The following PRORP variants were observed in gnomAD, a reference collection of about 807,000 sequenced individuals.
PRORP encodes protein only RNase P catalytic subunit, also known as mitochondrial ribonuclease P catalytic subunit.
In PRORP, 51 loss-of-function variants were observed where a neutral mutation model predicts 59.4. That is an observed-to-expected ratio of 0.86 (90% CI 0.69 to 1.08). The LOEUF is 1.08. Ranked by LOEUF, PRORP falls within the 50% of genes least tolerant of loss-of-function variation. The pLI, the probability that PRORP is intolerant of heterozygous loss-of-function variation, is 0.00. For missense variants in PRORP, 646 were observed against 690.3 expected (o/e 0.94, Z 0.72); for synonymous variants, 231 against 245.6 (o/e 0.94, Z 0.55).
chr14:35,146,745 A>G (rs1301054921), intron 4 of PRORP, among the ~76,000 whole-genome samples: 1 of 152,190 alleles, frequency 6.6e-6, no homozygotes, highest in Non-Finnish European at 1.5e-5. Context: ...TTTATCGTAA[A>G]TATTGCAATA....
intron 2 of PRORP, 124 bp downstream of exon 2, chr14:35,124,355 A>C (rs2047038058): frequency 1.8e-6 from 1 of 547,938 alleles, no homozygotes; most frequent in Non-Finnish European, 3.0e-6. Context: ...GTAACCTCAA[A>C]CTCCTGGCCT....
chr14:35,213,095 C>T (rs942355709), intron 5 of PRORP, among the ~76,000 whole-genome samples: 1 of 152,208 alleles, frequency 6.6e-6, no homozygotes, highest in East Asian at 1.9e-4. Context: ...TCTTGCCTCT[C>T]TCAAACTTCA....
intron 4 of PRORP, among the ~76,000 whole-genome samples, chr14:35,169,106 G>A (rs953553768): frequency 6.7e-6 from 1 of 149,354 alleles, no homozygotes; most frequent in Non-Finnish European, 1.5e-5. Flanking sequence ...TTTTATATAA[G>A]TATTTAAAGC....
chr14:35,202,807 A>T (rs10141392), intron 5 of PRORP, among the ~76,000 whole-genome samples: 15,627 of 151,904 alleles, frequency 0.1, 881 homozygotes, highest in African/African-American at 0.15. Flanking sequence ...TTAAAAAAAA[A>T]TTTTTTTGTA....
chr14:35,269,561 CAT>C (rs761097948), intron 6 of PRORP, among the ~76,000 whole-genome samples: 2 of 152,204 alleles, frequency 1.3e-5, no homozygotes, highest in Non-Finnish European at 2.9e-5. Context: ...AGTGAGTCCT[CAT>C]GTAACTGTCA....
At chr14:35,178,936 G>A (rs969855113) in intron 4 of PRORP, among the ~76,000 whole-genome samples, 5 of 152,132 alleles carry the variant, frequency 3.3e-5, no homozygotes, top group Non-Finnish European at 5.9e-5. Flanking sequence ...GTCAGGCCTG[G>A]TGGTGACAAA....
At chr14:35,237,078 CCTTCCT>C (rs2050239862) in intron 5 of PRORP, among the ~76,000 whole-genome samples, 3 of 137,616 alleles carry the variant, frequency 2.2e-5, no homozygotes, top group Non-Finnish European at 4.9e-5. Flanking sequence ...TTCCTTCCTT[CCTTCCT>C]TCTCTCTCTC....
chr14:35,180,832 C>G (rs936033094), intron 5 of PRORP, 55 bp downstream of exon 5: 1 of 1,146,664 alleles, frequency 8.7e-7, no homozygotes, highest in Non-Finnish European at 1.3e-6. Flanking sequence ...TTATTATACC[C>G]ATTTATGACC....
At chr14:35,161,278 T>C (rs1004182738) in intron 4 of PRORP, among the ~76,000 whole-genome samples, 4 of 152,204 alleles carry the variant, frequency 2.6e-5, no homozygotes, top group Non-Finnish European at 4.4e-5. Flanking sequence ...GTCCTTACAA[T>C]AGCCCTTCGA....
intron 5 of PRORP, among the ~76,000 whole-genome samples, chr14:35,189,826 G>A (rs2048837344): frequency 6.6e-6 from 1 of 152,108 alleles, no homozygotes; most frequent in Non-Finnish European, 1.5e-5. Context: ...AATAAGCATA[G>A]CAGGCTGGGC....
intron 7 of PRORP, among the ~76,000 whole-genome samples, chr14:35,272,488 A>C (rs1039562229): frequency 6.6e-6 from 1 of 152,170 alleles, no homozygotes; most frequent in African/African-American, 2.4e-5. Flanking sequence ...CAATAAATTT[A>C]TAGTAAATGT....
intron 5 of PRORP, among the ~76,000 whole-genome samples, chr14:35,192,672 G>A (rs961653092): frequency 6.6e-6 from 1 of 152,046 alleles, no homozygotes; most frequent in Non-Finnish European, 1.5e-5. Flanking sequence ...GGACAACATA[G>A]TATAATAACT....
intron 5 of PRORP, among the ~76,000 whole-genome samples, chr14:35,182,271 A>G (rs1231891822): frequency 2.6e-5 from 4 of 152,174 alleles, no homozygotes; most frequent in African/African-American, 9.7e-5. Flanking sequence ...ATCTCAAAAA[A>G]TAAAAAGTAA....
At chr14:35,237,468 A>G (rs1407665560) in intron 5 of PRORP, among the ~76,000 whole-genome samples, 1 of 152,084 alleles carries the variant, frequency 6.6e-6, no homozygotes, top group African/African-American at 2.4e-5. Flanking sequence ...GTACCTGCTT[A>G]AATCCCTATC....
chr14:35,223,960 G>T (rs1349805840), intron 5 of PRORP, among the ~76,000 whole-genome samples: 1 of 152,128 alleles, frequency 6.6e-6, no homozygotes, highest in East Asian at 1.9e-4. Context: ...ATAATCTTAT[G>T]AGATTTCAAA....
At chr14:35,171,724 A>C (rs987023751) in intron 4 of PRORP, among the ~76,000 whole-genome samples, 1 of 152,126 alleles carries the variant, frequency 6.6e-6, no homozygotes, top group Non-Finnish European at 1.5e-5. Context: ...TGGCTATTCA[A>C]ATACTTTTTA....
At chr14:35,157,063 C>A (rs903288920) in intron 4 of PRORP, among the ~76,000 whole-genome samples, 2 of 150,136 alleles carry the variant, frequency 1.3e-5, no homozygotes, top group Non-Finnish European at 2.9e-5. Context: ...TCACGCCATT[C>A]TCCTGCCTCA....
chr14:35,161,124 T>TC (rs1331988791), intron 4 of PRORP, among the ~76,000 whole-genome samples: 1 of 152,222 alleles, frequency 6.6e-6, no homozygotes, highest in African/African-American at 2.4e-5. Context: ...AAAGTTACTT[T>TC]CCTGGTATCC....
chr14:35,233,279 A>T (rs978429183), intron 5 of PRORP, among the ~76,000 whole-genome samples: 1 of 149,810 alleles, frequency 6.7e-6, no homozygotes, highest in Non-Finnish European at 1.5e-5. Context: ...ATAACTCTAG[A>T]GTATTATTTT....
Sources: gnomAD v4.1 joint callset for allele counts (sites outside exome capture counted in the v4.1 genomes callset) on GRCh38, gnomAD v4.1.1 for gene constraint, MANE v1.5 for transcripts, NCBI Gene and HGNC (gene_info 2026-07-23, HGNC 2026-07-21) for gene names.